SNTG1: variants seen among roughly 807,000 people sequenced by gnomAD.
SNTG1 encodes gamma-1-syntrophin.
Under a neutral mutation model 74.7 loss-of-function variants are expected in SNTG1, and 39 were observed. The ratio of observed to expected loss-of-function variants is 0.52; its 90% CI spans 0.40 to 0.68. The LOEUF is 0.68. Among genes scored for constraint, SNTG1 ranks in the 30% least tolerant of loss-of-function variants. The pLI is 0.00. For missense variants in SNTG1, 685 were observed against 609.5 expected, an observed-to-expected ratio of 1.12 and a Z score of -1.30; for synonymous variants, 254 against 217.1, an observed-to-expected ratio of 1.17 and a Z score of -1.49.
intron 11 of SNTG1, among the ~76,000 whole-genome samples, chr8:50,546,116 T>A (rs1458445308): frequency 6.6e-6 from 1 of 151,954 alleles, no homozygotes; most frequent in Non-Finnish European, 1.5e-5. Context: ...CAATCAGGGT[T>A]TTAAGGAGAA....
chr8:50,185,153 AG>A (rs2083334649), intron 2 of SNTG1, among the ~76,000 whole-genome samples: 1 of 152,202 alleles, frequency 6.6e-6, no homozygotes, highest in Admixed American at 6.5e-5. Flanking sequence ...CCACATGTCA[AG>A]GGCAGGACCA....
intron 2 of SNTG1, among the ~76,000 whole-genome samples, chr8:50,203,456 G>A (rs183775794): frequency 1.3e-5 from 2 of 152,180 alleles, no homozygotes; most frequent in Admixed American, 1.3e-4. Flanking sequence ...TTAACTTTCA[G>A]TGCATTCATA....
At chr8:49,962,087 G>C (rs1343813908) in intron 1 of SNTG1, among the ~76,000 whole-genome samples, 3 of 152,120 alleles carry the variant, frequency 2.0e-5, no homozygotes, top group African/African-American at 7.2e-5. Flanking sequence ...AGCGGACATT[G>C]AGAAACAAAT....
At chr8:50,274,530 AT>A (rs1358661462) in intron 2 of SNTG1, among the ~76,000 whole-genome samples, 3 of 152,076 alleles carry the variant, frequency 2.0e-5, no homozygotes, top group African/African-American at 7.2e-5. Context: ...CAATTTGTAT[AT>A]TTTAAAATTT....
At chr8:50,006,684 C>T (rs147925683) in intron 1 of SNTG1, among the ~76,000 whole-genome samples, 1 of 152,106 alleles carries the variant, frequency 6.6e-6, no homozygotes, top group East Asian at 1.9e-4. Flanking sequence ...TTATCTTGTG[C>T]CAATGGGGCT....
intron 1 of SNTG1, among the ~76,000 whole-genome samples, chr8:49,949,724 C>G (rs557798763): frequency 2.0e-5 from 3 of 152,272 alleles, no homozygotes; most frequent in South Asian, 4.1e-4. Context: ...TGCCATACTT[C>G]CAGAAGCACA....
chr8:50,037,747 C>T (rs1818284155), intron 1 of SNTG1, among the ~76,000 whole-genome samples: 1 of 152,098 alleles, frequency 6.6e-6, no homozygotes, highest in Non-Finnish European at 1.5e-5. Context: ...AATCTCAGGT[C>T]TCTTGGTTTG....
At chr8:50,660,420 A>AGGAAGGAAGGAAGAAAAAG (rs1335731284) in intron 15 of SNTG1, among the ~76,000 whole-genome samples, 22 of 11,808 alleles carry the variant, frequency 1.9e-3, no homozygotes, top group Non-Finnish European at 4.0e-4. Context: ...AAAAGAAAGA[A>AGGAAGGAAGGAAGAAAAAG]AGAAAGAAGA....
rs1172203983 is a variant in SNTG1, at chr8:50,119,747, CT to C, written c.-102-52813del. ...CAATGTAAGGACAATTACTATACCC[CT>C]ATCAGATGAGAAACTGAGGCATAGG... is the stretch of plus-strand genomic sequence containing the variant. On this transcript the variant is annotated intron_variant, in intron 1 of 18. Coordinates refer to ENST00000642720, the MANE Select transcript of SNTG1 (RefSeq NM_018967.5). 2.8e-5 allele frequency among the ~76,000 whole-genome samples: 4 copies of C among 141,370 alleles called. No individual in the cohort carries two copies. In the East Asian group the frequency reaches 8.1e-4, roughly 29 times the overall value. The allele number at this position is 141,370 out of a possible 152,430, so 92.7% of individuals were successfully genotyped here.
intron 1 of SNTG1, among the ~76,000 whole-genome samples, chr8:50,015,176 T>C (rs1289356943): frequency 6.6e-6 from 1 of 152,008 alleles, no homozygotes; most frequent in Non-Finnish European, 1.5e-5. Context: ...CAACAGAGAA[T>C]ATCAAGAAAG....
At chr8:50,302,234 G>T (rs570507611) in intron 2 of SNTG1, among the ~76,000 whole-genome samples, 2 of 152,306 alleles carry the variant, frequency 1.3e-5, no homozygotes, top group Admixed American at 6.5e-5. Flanking sequence ...ATTTCTGCAT[G>T]TGTAAGGCAT....
chr8:50,401,645 G>A (rs2092807364), intron 3 of SNTG1, among the ~76,000 whole-genome samples: 2 of 152,148 alleles, frequency 1.3e-5, no homozygotes, highest in South Asian at 4.2e-4. Flanking sequence ...ATGTGTGTAT[G>A]CATGCATGCA....
intron 12 of SNTG1, among the ~76,000 whole-genome samples, chr8:50,563,058 C>T (rs919888769): frequency 3.3e-5 from 5 of 152,188 alleles, no homozygotes; most frequent in South Asian, 4.1e-4. Context: ...CCACACAAGA[C>T]GAGAATAAGG....
chr8:50,072,376 C>T (rs749639535), intron 1 of SNTG1, among the ~76,000 whole-genome samples: 2 of 151,988 alleles, frequency 1.3e-5, no homozygotes, highest in Non-Finnish European at 2.9e-5. Flanking sequence ...CCATTTTACA[C>T]GTTATAAAAT....
At chr8:50,174,870 C>T (rs1231218155) in intron 2 of SNTG1, among the ~76,000 whole-genome samples, 1 of 125,370 alleles carries the variant, frequency 8.0e-6, no homozygotes, top group Non-Finnish European at 1.6e-5. Context: ...CCTCCCCCCA[C>T]CCCACAACAG....
intron 1 of SNTG1, among the ~76,000 whole-genome samples, chr8:49,986,561 C>G (rs566021035): frequency 1.2e-4 from 19 of 152,154 alleles, no homozygotes; most frequent in African/African-American, 4.3e-4. Flanking sequence ...AGTGGCCATG[C>G]CTGTAATCCC....
At chr8:50,317,104 T>C (rs1209317607) in intron 2 of SNTG1, among the ~76,000 whole-genome samples, 2 of 152,152 alleles carry the variant, frequency 1.3e-5, no homozygotes, top group Middle Eastern at 3.2e-3. Context: ...TTGATAAATA[T>C]CTGGTAGATT....
intron 1 of SNTG1, among the ~76,000 whole-genome samples, chr8:50,089,781 A>G (rs9774696): frequency 0.23 from 35,219 of 151,574 alleles, 4,048 homozygotes; most frequent in South Asian, 0.37. Context: ...GGATGTGGAG[A>G]AATAGGAACA....
At chr8:49,991,621 A>G (rs1813698509) in intron 1 of SNTG1, among the ~76,000 whole-genome samples, 1 of 152,216 alleles carries the variant, frequency 6.6e-6, no homozygotes, top group Non-Finnish European at 1.5e-5. Context: ...TAAGAATAAG[A>G]AAAAGAAAGA....
Sources: gnomAD v4.1 joint callset for allele counts (sites outside exome capture counted in the v4.1 genomes callset) on GRCh38, gnomAD v4.1.1 for gene constraint, MANE v1.5 for transcripts, NCBI Gene and HGNC (gene_info 2026-07-23, HGNC 2026-07-21) for gene names.